Variants in KCNH8 observed in about 807,000 individuals in gnomAD.
KCNH8 encodes voltage-gated delayed rectifier potassium channel KCNH8.
A neutral mutation model predicts 103.6 loss-of-function variants in KCNH8; 70 were observed. The observed-to-expected ratio is 0.68, with a 90% CI of 0.56 to 0.82. The LOEUF is 0.82. Among genes scored for constraint, KCNH8 ranks in the 40% least tolerant of loss-of-function variants. KCNH8 has a pLI of 0.00. For synonymous variants in KCNH8, 498 were observed against 489.4 expected (o/e 1.02, Z -0.23); for missense variants, 1,217 against 1,329.9 (o/e 0.92, Z 1.32).
intron 8 of KCNH8, among the ~76,000 whole-genome samples, chr3:19,446,346 T>C (rs2067362395): frequency 6.6e-6 from 1 of 151,950 alleles, no homozygotes; most frequent in South Asian, 2.1e-4. Flanking sequence ...CAATGAAGCA[T>C]TATTATCACA....
At chr3:19,348,894 AGTT>A (rs1184280915) in intron 5 of KCNH8, among the ~76,000 whole-genome samples, 1 of 140,778 alleles carries the variant, frequency 7.1e-6, no homozygotes, top group Non-Finnish European at 1.5e-5. Flanking sequence ...TGGTGGTAGT[AGTT>A]GTTTTTTTGT....
At chr3:19,491,628 T>G (rs1042748574) in intron 11 of KCNH8, among the ~76,000 whole-genome samples, 3 of 152,214 alleles carry the variant, frequency 2.0e-5, no homozygotes, top group African/African-American at 4.8e-5. Flanking sequence ...TTTGCTATAG[T>G]GAGTAGTGCA....
chr3:19,408,868 T>TTTAC (rs1442080981), intron 7 of KCNH8, among the ~76,000 whole-genome samples: 2 of 152,126 alleles, frequency 1.3e-5, no homozygotes, highest in African/African-American at 4.8e-5. Flanking sequence ...TATGAGCTTA[T>TTTAC]GTAAACTGAT....
intron 2 of KCNH8, among the ~76,000 whole-genome samples, chr3:19,258,237 T>C (rs530394161): frequency 2.5e-4 from 38 of 151,986 alleles, no homozygotes; most frequent in Non-Finnish European, 4.4e-4. Flanking sequence ...AGGAGTTAAG[T>C]TATTTGCCCA....
intron 7 of KCNH8, among the ~76,000 whole-genome samples, chr3:19,419,904 A>C (rs117908817): frequency 6.6e-6 from 1 of 152,234 alleles, no homozygotes; most frequent in East Asian, 1.9e-4. Flanking sequence ...TATTATAATG[A>C]TACTTAAAAT....
intron 3 of KCNH8, among the ~76,000 whole-genome samples, chr3:19,285,046 G>A (rs2064812691): frequency 6.6e-6 from 1 of 151,836 alleles, no homozygotes; most frequent in African/African-American, 2.4e-5. Flanking sequence ...GGCTGAGAAC[G>A]GAGGGCCTTT....
At chr3:19,297,774 G>A (rs1379323334) in intron 3 of KCNH8, among the ~76,000 whole-genome samples, 2 of 152,176 alleles carry the variant, frequency 1.3e-5, no homozygotes, top group Non-Finnish European at 2.9e-5. Context: ...TGGTGAAGTG[G>A]TGAAAGGAGT....
At chr3:19,182,500 C>A (rs1260644708) in intron 1 of KCNH8, among the ~76,000 whole-genome samples, 1 of 152,184 alleles carries the variant, frequency 6.6e-6, no homozygotes, top group Non-Finnish European at 1.5e-5. Context: ...CACTGCACTC[C>A]AGCCTGGGCG....
chr3:19,336,260 A>G (rs1340261369), intron 3 of KCNH8, among the ~76,000 whole-genome samples: 1 of 151,782 alleles, frequency 6.6e-6, no homozygotes, highest in East Asian at 1.9e-4. Flanking sequence ...TTTCTTTTTA[A>G]AAACAGTCTT....
At chr3:19,500,611 T>C (rs1325965364) in intron 11 of KCNH8, among the ~76,000 whole-genome samples, 2 of 152,094 alleles carry the variant, frequency 1.3e-5, no homozygotes, top group East Asian at 1.9e-4. Flanking sequence ...CAAACTAGAA[T>C]TCAGGATTAA....
intron 3 of KCNH8, among the ~76,000 whole-genome samples, chr3:19,335,910 A>AT (rs924799761): frequency 1.3e-5 from 2 of 151,228 alleles, no homozygotes; most frequent in Non-Finnish European, 3.0e-5. Context: ...TGTTGGTCTT[A>AT]TTTTTTTTCC....
Position 19,355,238 on chromosome 3 carries a change from T to C in KCNH8, c.811+7273T>C, listed in dbSNP as rs574178792. Among the ~76,000 whole-genome samples the C allele has an allele frequency of 3.9e-5, 6 of 152,210 alleles. No homozygotes were observed. The East Asian group carries it at 1.2e-3, about 29-fold the overall frequency. On this transcript the variant is annotated intron_variant, in intron 5 of 15. Coordinates refer to ENST00000328405, the MANE Select transcript of KCNH8 (RefSeq NM_144633.3). The stretch of plus-strand genomic sequence containing the variant: ...CATTAAAAAGTCAAGAAACAACAGG[T>C]GCTAGAGAGGATGTGGAGAAATAGG...
chr3:19,161,642 T>C (rs542036000), intron 1 of KCNH8, among the ~76,000 whole-genome samples: 3 of 152,344 alleles, frequency 2.0e-5, no homozygotes, highest in African/African-American at 4.8e-5. Context: ...TCTGTAAATG[T>C]TGTTGTAAAT....
chr3:19,189,684 A>G (rs1464981360), intron 1 of KCNH8, among the ~76,000 whole-genome samples: 6 of 152,020 alleles, frequency 3.9e-5, no homozygotes, highest in Non-Finnish European at 8.8e-5. Context: ...AGCTTTATCT[A>G]GAAACACATT....
intron 1 of KCNH8, among the ~76,000 whole-genome samples, chr3:19,247,946 T>G (rs76921314): frequency 0.039 from 5,904 of 152,230 alleles, 405 homozygotes; most frequent in African/African-American, 0.13. Flanking sequence ...CTACTTAGAG[T>G]TGTGATTCTC....
intron 1 of KCNH8, among the ~76,000 whole-genome samples, chr3:19,186,712 T>G (rs865934909): frequency 4.6e-5 from 7 of 152,186 alleles, no homozygotes; most frequent in Middle Eastern, 3.4e-3. Flanking sequence ...TGTTACGAAG[T>G]TCAAAGGAGA....
chr3:19,326,354 TAA>T (rs34080314), intron 3 of KCNH8, among the ~76,000 whole-genome samples: 3 of 97,032 alleles, frequency 3.1e-5, no homozygotes, highest in African/African-American at 1.8e-4. Flanking sequence ...CAATGAAAGT[TAA>T]ATATATATAT....
At position 19,193,490 on chromosome 3, in the gene KCNH8, A is replaced by G. The variant is rs151026023; in HGVS notation, c.76+44695A>G. On this transcript the variant is annotated intron_variant, in intron 1 of 15. Transcript: ENST00000328405. ...CACTGTGTTAGACCCAAGAGATACA[A>G]TGATGAATAGATAAGACACGATTTT... Among the ~76,000 whole-genome samples the G allele has an allele frequency of 1.8e-4, 27 of 151,838 alleles. 1 individual carries two copies. The East Asian group carries it at 5.2e-3, about 29-fold the overall frequency.
At chr3:19,203,401 G>A (rs80183877) in intron 1 of KCNH8, among the ~76,000 whole-genome samples, 13,609 of 151,828 alleles carry the variant, frequency 0.09, 2,054 homozygotes, top group African/African-American at 0.31. Flanking sequence ...CTATAAGAAT[G>A]TTTACATATT....
Sources: allele counts gnomAD v4.1 joint callset (sites outside exome capture counted in the v4.1 genomes callset), GRCh38; gene constraint gnomAD v4.1.1; transcripts MANE v1.5; gene names NCBI Gene and HGNC (gene_info 2026-07-23, HGNC 2026-07-21).